The following DTNA variants were observed in gnomAD, a reference collection of about 807,000 sequenced individuals.
DTNA encodes dystrophin-related protein 3.
Under a neutral mutation model 100.7 loss-of-function variants are expected in DTNA, and 43 were observed. That is an observed-to-expected ratio of 0.43 (90% CI 0.33 to 0.55). The LOEUF (loss-of-function observed/expected upper bound fraction) is 0.55, where lower values mean the gene tolerates loss of function less well. Among genes scored for constraint, DTNA ranks in the 20% least tolerant of loss-of-function variants. The pLI, the probability that DTNA is intolerant of heterozygous loss-of-function variation, is 0.04. For missense variants in DTNA, 798 were observed against 953.9 expected (o/e 0.84, Z 2.15); for synonymous variants, 349 against 347.9 (o/e 1.00, Z -0.04).
chr18:34,659,155 A>T (rs2074812738), intron 1 of DTNA, among the ~76,000 whole-genome samples: 1 of 152,194 alleles, frequency 6.6e-6, no homozygotes, highest in Non-Finnish European at 1.5e-5. Context: ...CTTCCTTTAA[A>T]ATAGTACTAT....
intron 1 of DTNA, among the ~76,000 whole-genome samples, chr18:34,605,404 A>C (rs2052835533): frequency 6.6e-6 from 1 of 152,222 alleles, no homozygotes; most frequent in African/African-American, 2.4e-5. Flanking sequence ...TAATTAAAAC[A>C]AAACAAAGTC....
chr18:34,849,762 T>TG (rs1359480488), intron 14 of DTNA, among the ~76,000 whole-genome samples: 17 of 152,388 alleles, frequency 1.1e-4, no homozygotes, highest in Non-Finnish European at 2.2e-4. Flanking sequence ...AGATGCATGT[T>TG]CCTTCTGACA....
At chr18:34,728,271 CAAAG>C (rs2087218323) in intron 1 of DTNA, among the ~76,000 whole-genome samples, 1 of 151,722 alleles carries the variant, frequency 6.6e-6, no homozygotes, top group Non-Finnish European at 1.5e-5. Flanking sequence ...ATGATTTTGA[CAAAG>C]AAAGGACAAA....
rs780579005 is a variant in DTNA at position 34,882,116 on chromosome 18, A to G, written c.2210A>G (p.Tyr737Cys). 3.7e-6 allele frequency: 6 copies of G among 1,614,120 alleles called. No homozygotes were observed. Among genetic ancestry groups the G allele is most frequent in the East Asian group, 2.2e-5 (1 of 44,870 alleles). ...TATGTGCAGCCTGAAGATGAAAACT[A>G]TGAAAATGACTCTGTCCGGCAGCTG... ...DPYVQPEDEN[Y>C]ENDSVRQLEN... Residue 737 changes from tyrosine to cysteine, a missense_variant, in exon 21 of 23, where the codon TAT (tyrosine) becomes TGT (cysteine). By Grantham distance (194) the Tyr-to-Cys change is radical (BLOSUM62 -2). Transcript: ENST00000444659.
intron 4 of DTNA, among the ~76,000 whole-genome samples, chr18:34,803,860 G>T (rs1193305617): frequency 6.6e-6 from 1 of 152,100 alleles, no homozygotes; most frequent in Non-Finnish European, 1.5e-5. Flanking sequence ...AATTCTAGGT[G>T]TAATTTTTAT....
chr18:34,549,510 T>C (rs538230317), intron 1 of DTNA, among the ~76,000 whole-genome samples: 4 of 152,080 alleles, frequency 2.6e-5, no homozygotes, highest in Middle Eastern at 3.2e-3. Context: ...CCTAACTCTC[T>C]CACTTTTCTG....
intron 3 of DTNA, among the ~76,000 whole-genome samples, chr18:34,767,215 G>C (rs1401526795): frequency 9.2e-5 from 3 of 32,550 alleles, no homozygotes; most frequent in Non-Finnish European, 1.2e-4. Context: ...TTAGACTCAT[G>C]GTAAGGGTAG....
rs2096956755 is a variant in DTNA, at chr18:34,890,137, G to A, written c.*2403G>A. The A allele has an allele frequency of 7.1e-7, 1 of 1,416,240 alleles. No homozygotes were observed. Among genetic ancestry groups the A allele is most frequent in the Non-Finnish European group, 9.2e-7 (1 of 1,090,748 alleles). 87.7% of individuals were successfully genotyped at this position (1,416,240 alleles called of 1,614,324 possible). A position where few individuals can be genotyped will look rare whatever the true frequency, so the allele number is the denominator to read the frequency against. On this transcript the variant is annotated 3_prime_UTR_variant, in exon 23 of 23. Coordinates refer to ENST00000444659, the MANE Select transcript of DTNA (RefSeq NM_001386795.1). ...ACATCAAAATGTTCGTCTAAGATTT[G>A]AACTGTTCTGCTGATAACCTTCCCC...
chr18:34,864,610 C>T (rs966771471), intron 17 of DTNA, among the ~76,000 whole-genome samples: 1 of 152,170 alleles, frequency 6.6e-6, no homozygotes, highest in Non-Finnish European at 1.5e-5. Context: ...CATGGGGCAA[C>T]TTCTTCTTGG....
intron 17 of DTNA, among the ~76,000 whole-genome samples, chr18:34,872,429 A>G (rs2096774276): frequency 2.0e-5 from 3 of 152,232 alleles, no homozygotes; most frequent in Admixed American, 2.0e-4. Context: ...AATATGGTCC[A>G]TAGCCCCATA....
chr18:34,827,099 A>C (rs1448600779), intron 9 of DTNA, among the ~76,000 whole-genome samples: 1 of 152,212 alleles, frequency 6.6e-6, no homozygotes, highest in African/African-American at 2.4e-5. Context: ...AAGGCAAATA[A>C]GGTATGATAT....
intron 13 of DTNA, among the ~76,000 whole-genome samples, chr18:34,845,763 A>G (rs1540064): frequency 0.28 from 42,340 of 152,086 alleles, 6,260 homozygotes; most frequent in African/African-American, 0.38. Context: ...TGCAGACATT[A>G]TTTTATAAAG....
At chr18:34,813,707 G>T (rs186181587) in intron 6 of DTNA, among the ~76,000 whole-genome samples, 1 of 151,986 alleles carries the variant, frequency 6.6e-6, no homozygotes, top group Admixed American at 6.5e-5. Context: ...ACAAAAATTA[G>T]CCGGGCATGG....
chr18:34,677,286 G>A (rs1390684198), intron 1 of DTNA, among the ~76,000 whole-genome samples: 3 of 152,138 alleles, frequency 2.0e-5, no homozygotes, highest in Non-Finnish European at 4.4e-5. Flanking sequence ...CTTTAACACA[G>A]TGTCTCCATC....
At chr18:34,502,060 G>A (rs1176993225) in intron 1 of DTNA, among the ~76,000 whole-genome samples, 1 of 152,132 alleles carries the variant, frequency 6.6e-6, no homozygotes, top group Non-Finnish European at 1.5e-5. Flanking sequence ...TTTGTGGGAC[G>A]ACACAGTAAT....
At chr18:34,734,895 T>C (rs966118099) in intron 1 of DTNA, among the ~76,000 whole-genome samples, 6 of 152,108 alleles carry the variant, frequency 3.9e-5, no homozygotes, top group African/African-American at 9.7e-5. Context: ...CCTTAGCATT[T>C]TGTGGTCTAA....
chr18:34,815,301 T>C (rs2095572438), intron 6 of DTNA, among the ~76,000 whole-genome samples: 1 of 152,128 alleles, frequency 6.6e-6, no homozygotes, highest in Non-Finnish European at 1.5e-5. Context: ...CTTTTGTACA[T>C]CCAAAAGGAC....
rs553240356 is a variant in DTNA, at chr18:34,813,630, G to A, written c.603+1517G>A. On this transcript the variant is annotated intron_variant, in intron 6 of 22. Transcript: ENST00000444659. ...AGCACTTTGGGAGGCCAAGGCGGGC[G>A]GATCACAAGGTCAGGAGTTTGAGAC... Among the ~76,000 whole-genome samples the A allele has an allele frequency of 9.9e-5, 15 of 152,008 alleles. No individual in the cohort carries two copies. The South Asian group carries it at 2.1e-3, about 21-fold the overall frequency.
intron 1 of DTNA, among the ~76,000 whole-genome samples, chr18:34,723,958 TAATC>T (rs2085991967): frequency 6.6e-6 from 1 of 152,124 alleles, no homozygotes; most frequent in Non-Finnish European, 1.5e-5. Flanking sequence ...ACTTCACTCT[TAATC>T]AAATACATTC....
Sources: gnomAD v4.1 joint callset for allele counts (sites outside exome capture counted in the v4.1 genomes callset) on GRCh38, gnomAD v4.1.1 for gene constraint, MANE v1.5 for transcripts, NCBI Gene and HGNC (gene_info 2026-07-23, HGNC 2026-07-21) for gene names.